WWTR1: variants seen among roughly 807,000 people sequenced by gnomAD.
The protein encoded by WWTR1 is WW domain containing transcription regulator 1, also known as WW domain-containing transcription regulator protein 1.
In WWTR1, 13 loss-of-function variants were observed where a neutral mutation model predicts 40.1. That is an observed-to-expected ratio of 0.32 (90% CI 0.21 to 0.52). The LOEUF is 0.52. WWTR1 is among the 20% of genes least tolerant of loss of function. The probability of loss-of-function intolerance (pLI) is 0.97; values close to 1 mark genes in which losing one functional copy is unlikely to be tolerated. For missense variants in WWTR1, 436 were observed against 523.1 expected, an observed-to-expected ratio of 0.83 and a Z score of 1.63; for synonymous variants, 230 against 210.1, an observed-to-expected ratio of 1.09 and a Z score of -0.82.
chr3:149,543,957 G>A (rs950118871), intron 3 of WWTR1, among the ~76,000 whole-genome samples: 2 of 150,826 alleles, frequency 1.3e-5, no homozygotes, highest in East Asian at 3.9e-4. Context: ...ACATAGAGAC[G>A]AGGTTTCACT....
At position 149,671,337 on chromosome 3, in the gene WWTR1, G is replaced by A. The variant is rs527970377; in HGVS notation, c.-107-1446C>T. Reference sequence around the variant, plus strand: ...TAAGGTGACCTAGACACAGGATTTCGAAAAGAGCAGAGGCAAACCAGAAAA... The same window carrying A: ...TAAGGTGACCTAGACACAGGATTTCAAAAAGAGCAGAGGCAAACCAGAAAA... On this transcript the variant is annotated intron_variant, in intron 1 of 7. Coordinates refer to the WWTR1 transcript ENST00000465804. 2.9e-4 allele frequency among the ~76,000 whole-genome samples: 44 copies of A among 152,244 alleles called. No individual in the cohort carries two copies. The South Asian group carries it at 8.1e-3, about 28-fold the overall frequency.
chr3:149,631,340 C>A (rs537601593), intron 2 of WWTR1, among the ~76,000 whole-genome samples: 1 of 151,502 alleles, frequency 6.6e-6, no homozygotes, highest in Admixed American at 6.6e-5. Context: ...TAGAGAGAGG[C>A]CTTGCCTAAA....
chr3:149,684,658 G>T (rs1310713568), intron 1 of WWTR1, among the ~76,000 whole-genome samples: 1 of 152,048 alleles, frequency 6.6e-6, no homozygotes, highest in Non-Finnish European at 1.5e-5. Flanking sequence ...CAACCTCCTG[G>T]GGTCAAGAAA....
chr3:149,617,851 G>T (rs532030441), intron 2 of WWTR1, among the ~76,000 whole-genome samples: 89 of 152,180 alleles, frequency 5.8e-4, no homozygotes, highest in African/African-American at 2.1e-3. Flanking sequence ...AATATTCAGA[G>T]TCCAATATTA....
chr3:149,638,222 G>C (rs1711947479), intron 2 of WWTR1, among the ~76,000 whole-genome samples: 2 of 151,944 alleles, frequency 1.3e-5, no homozygotes, highest in Admixed American at 1.3e-4. Flanking sequence ...GTCAAAAAAA[G>C]AAAGAAAAGA....
chr3:149,702,458 C>G (rs1715208588), intron 1 of WWTR1: 1 of 118,170 alleles, frequency 8.5e-6, no homozygotes, highest in Non-Finnish European at 2.0e-5. Context: ...CTCAACCTCT[C>G]TAAGCCTTAT....
At chr3:149,549,596 G>A (rs2107952286) in intron 3 of WWTR1, among the ~76,000 whole-genome samples, 1 of 152,326 alleles carries the variant, frequency 6.6e-6, no homozygotes, top group East Asian at 1.9e-4. Context: ...CCAGCACTTT[G>A]GGAGGCCGAG....
At chr3:149,654,885 AG>A (rs1713104136) in intron 2 of WWTR1, among the ~76,000 whole-genome samples, 1 of 151,850 alleles carries the variant, frequency 6.6e-6, no homozygotes, top group South Asian at 2.1e-4. Flanking sequence ...GCACTTTGGG[AG>A]GCCGAGGCGG....
chr3:149,640,010 A>C (rs547178448), intron 2 of WWTR1, among the ~76,000 whole-genome samples: 8 of 140,346 alleles, frequency 5.7e-5, no homozygotes, highest in African/African-American at 2.5e-4. Flanking sequence ...AAAAAAAAAA[A>C]AAAGAAAGAA....
At chr3:149,676,641 T>C (rs900332084) in intron 1 of WWTR1, among the ~76,000 whole-genome samples, 1 of 152,134 alleles carries the variant, frequency 6.6e-6, no homozygotes, top group Non-Finnish European at 1.5e-5. Context: ...AACAGAGGAT[T>C]AGAGAGACTA....
At chr3:149,651,220 T>C (rs976873446) in intron 2 of WWTR1, among the ~76,000 whole-genome samples, 3 of 152,216 alleles carry the variant, frequency 2.0e-5, no homozygotes, top group African/African-American at 7.2e-5. Context: ...GTCAGAACAA[T>C]TTTTAAGTAA....
At chr3:149,673,718 GC>G (rs1440373636) in intron 1 of WWTR1, among the ~76,000 whole-genome samples, 1 of 152,162 alleles carries the variant, frequency 6.6e-6, no homozygotes, top group East Asian at 1.9e-4. Flanking sequence ...TCTTTACTTT[GC>G]TGTCATGGGT....
chr3:149,637,807 G>A (rs1158693149), intron 2 of WWTR1, among the ~76,000 whole-genome samples: 1 of 152,190 alleles, frequency 6.6e-6, no homozygotes, highest in African/African-American at 2.4e-5. Context: ...TTAGACAGGA[G>A]ATGGGGCTGG....
At position 149,542,461 on chromosome 3, in the gene WWTR1, G is replaced by A. The variant is rs755097979; in HGVS notation, c.645C>T (p.Pro215=). ...SQQNHPTQNP[P]AGLMSMPNAL... ...CATTGGGCATACTCATGAGCCCTGC[G>A]GGTGGGTTCTGAGTGGGGTGGTTCT... The change falls in exon 4 of 7, where the codon CCC becomes CCT. Residue 215 remains proline, a synonymous_variant. Coordinates refer to ENST00000360632, the MANE Select transcript of WWTR1 (RefSeq NM_015472.6). 56 of 1,614,000 alleles carry A rather than the reference G, an allele frequency of 3.5e-5. No individual in the cohort carries two copies. In the South Asian group the frequency reaches 4.7e-4, roughly 14 times the overall value.
Position 149,635,516 on chromosome 3 carries a change from GAGGAGA to G in WWTR1, c.431+21354_431+21359del, listed in dbSNP as rs1172374816. 3.6e-3 allele frequency among the ~76,000 whole-genome samples: 542 copies of G among 151,234 alleles called. 2 individuals are homozygous for G. The highest frequency in any genetic ancestry group is 5.4e-3 in the Non-Finnish European group (367 of 67,810). ...ATAGAAGGAGAAGAAGAAGAAGAAG[GAGGAGA>G]AGGAGAAGGAGAAGGAGAAAGAGAA... On this transcript the variant is annotated intron_variant, in intron 2 of 6. Coordinates refer to ENST00000360632, the MANE Select transcript of WWTR1 (RefSeq NM_015472.6).
At chr3:149,680,581 A>C (rs907364433) in intron 1 of WWTR1, among the ~76,000 whole-genome samples, 5 of 151,278 alleles carry the variant, frequency 3.3e-5, no homozygotes, top group Non-Finnish European at 5.9e-5. Context: ...AACAAACAAA[A>C]AAACGTATTT....
intron 1 of WWTR1, among the ~76,000 whole-genome samples, chr3:149,682,042 T>C (rs1463363860): frequency 2.0e-5 from 3 of 151,618 alleles, no homozygotes; most frequent in African/African-American, 7.3e-5. Context: ...TGTTAAATGT[T>C]CTTACTACAG....
chr3:149,696,938 T>C (rs539751299), intron 1 of WWTR1, among the ~76,000 whole-genome samples: 1 of 152,290 alleles, frequency 6.6e-6, no homozygotes, highest in East Asian at 1.9e-4. Context: ...TACTCTTCTG[T>C]CCATCCTCTA....
At chr3:149,709,215 T>C (rs113041256) in intron 5 of WWTR1, among the ~76,000 whole-genome samples, 8 of 151,854 alleles carry the variant, frequency 5.3e-5, no homozygotes, top group African/African-American at 1.4e-4. Flanking sequence ...GCTCAAGCAG[T>C]CTGCCTGCCT....
Sources: gnomAD v4.1 joint callset for allele counts (sites outside exome capture counted in the v4.1 genomes callset) on GRCh38, gnomAD v4.1.1 for gene constraint, MANE v1.5 for transcripts, NCBI Gene and HGNC (gene_info 2026-07-23, HGNC 2026-07-21) for gene names.